RABL3: variants seen among roughly 807,000 people sequenced by gnomAD.
The protein encoded by RABL3 is RAB, member of RAS oncogene family like 3, also known as rab-like protein 3.
RABL3 carries 31 observed loss-of-function variants against 31.8 expected under a neutral mutation model. That is an observed-to-expected ratio of 0.97 (90% CI 0.73 to 1.31). The LOEUF (loss-of-function observed/expected upper bound fraction) is 1.31. Among genes scored for constraint, RABL3 ranks in the 40% most tolerant of loss-of-function variants. The probability of loss-of-function intolerance (pLI) is 0.00; values close to 1 mark genes in which losing one functional copy is unlikely to be tolerated. For synonymous variants in RABL3, 97 were observed against 99.9 expected (o/e 0.97, Z 0.18); for missense variants, 263 against 279.6 (o/e 0.94, Z 0.42).
intron 2 of RABL3, among the ~76,000 whole-genome samples, chr3:120,730,406 G>A (rs890028820): frequency 7.9e-5 from 12 of 152,194 alleles, no homozygotes; most frequent in Admixed American, 2.0e-4. Flanking sequence ...AGGATGCTAT[G>A]TGAACTCTAG....
intron 1 of RABL3, chr3:120,738,611 T>G (rs912252216): frequency 1.3e-5 from 2 of 152,396 alleles, no homozygotes; most frequent in African/African-American, 4.8e-5. Flanking sequence ...TTGGTCATCT[T>G]GGAACCACTC....
chr3:120,741,101 C>T (rs1172718014), intron 1 of RABL3, among the ~76,000 whole-genome samples: 1 of 152,194 alleles, frequency 6.6e-6, no homozygotes, highest in Non-Finnish European at 1.5e-5. Context: ...ACCCACTTAA[C>T]GTATCATGAA....
At position 120,687,538 on chromosome 3, in the gene RABL3, T is replaced by C. The variant is rs750290638; in HGVS notation, c.*2285A>G. On this transcript the variant is annotated 3_prime_UTR_variant, in exon 8 of 8. Coordinates refer to ENST00000273375, the MANE Select transcript of RABL3 (RefSeq NM_173825.5). ...AGTTCTCAAGAAGTCCTAGCAAAAA[T>C]TGTGCTTCATTCTTTTTTGAATAAC... The C allele has an allele frequency of 2.6e-5, 4 of 152,226 alleles. No homozygotes were observed. The highest frequency in any genetic ancestry group is 5.9e-5 in the Non-Finnish European group (4 of 68,032). The allele number at this position is 152,226 out of a possible 1,614,324, so 9.4% of individuals were successfully genotyped here.
chr3:120,731,105 G>T (rs541927209), intron 1 of RABL3, among the ~76,000 whole-genome samples: 1 of 144,360 alleles, frequency 6.9e-6, no homozygotes, highest in East Asian at 2.3e-4. Context: ...ACTGGTCCAG[G>T]GGTCTCACTT....
chr3:120,725,183 G>A (rs1175255476), intron 2 of RABL3, among the ~76,000 whole-genome samples: 2 of 152,196 alleles, frequency 1.3e-5, no homozygotes, highest in East Asian at 1.9e-4. Flanking sequence ...GCAGCCAAAA[G>A]ACACATGAAA....
At chr3:120,736,834 T>C (rs918815877) in intron 1 of RABL3, among the ~76,000 whole-genome samples, 7 of 152,184 alleles carry the variant, frequency 4.6e-5, no homozygotes, top group Non-Finnish European at 1.0e-4. Context: ...TGAAAATTCT[T>C]TTCTTTAAGA....
chr3:120,742,061 G>T (rs893049425), intron 1 of RABL3, among the ~76,000 whole-genome samples: 1 of 151,554 alleles, frequency 6.6e-6, no homozygotes, highest in East Asian at 1.9e-4. Flanking sequence ...CTCAGTGCAC[G>T]TTTGACTTCC....
chr3:120,729,632 A>G (rs1031166195), intron 2 of RABL3, among the ~76,000 whole-genome samples: 1 of 152,208 alleles, frequency 6.6e-6, no homozygotes, highest in African/African-American at 2.4e-5. Flanking sequence ...TAAAAGGAAC[A>G]TCTAGAAATT....
chr3:120,719,131 T>C (rs1255133432), intron 2 of RABL3, among the ~76,000 whole-genome samples: 1 of 152,218 alleles, frequency 6.6e-6, no homozygotes, highest in African/African-American at 2.4e-5. Flanking sequence ...TTTAGAACAC[T>C]GCACCCAACA....
At chr3:120,729,901 T>C (rs1377192995) in intron 2 of RABL3, among the ~76,000 whole-genome samples, 1 of 149,828 alleles carries the variant, frequency 6.7e-6, no homozygotes, top group East Asian at 2.0e-4. Flanking sequence ...TACTTCTGAA[T>C]AGGATGAATA....
At chr3:120,718,724 C>T (rs1708699179) in intron 2 of RABL3, among the ~76,000 whole-genome samples, 1 of 152,154 alleles carries the variant, frequency 6.6e-6, no homozygotes, top group Non-Finnish European at 1.5e-5. Flanking sequence ...TAAGAGACAT[C>T]CCATAGATAT....
chr3:120,730,806 C>T lies in RABL3; in HGVS notation c.47-19G>A, dbSNP rs760171564. ...CCAACACCTGTAAGAGATACAAGAACTCTAGTCACATAAGAGACAAGGCTG... is the reference window on the plus strand; with the variant it reads ...CCAACACCTGTAAGAGATACAAGAATTCTAGTCACATAAGAGACAAGGCTG... On this transcript the variant is annotated intron_variant, in intron 1 of 7. Coordinates refer to ENST00000273375, the MANE Select transcript of RABL3 (RefSeq NM_173825.5). 1 of 1,526,122 alleles carries T rather than the reference C, an allele frequency of 6.6e-7. No homozygotes were observed. Among genetic ancestry groups the T allele is most frequent in the Non-Finnish European group, 9.1e-7 (1 of 1,100,148 alleles). The allele number at this position is 1,526,122 out of a possible 1,614,324, so 94.5% of individuals were successfully genotyped here. A position where few individuals can be genotyped will look rare whatever the true frequency, so the allele number is the denominator to read the frequency against.
intron 1 of RABL3, among the ~76,000 whole-genome samples, chr3:120,736,823 T>C (rs182471935): frequency 7.5e-4 from 114 of 152,348 alleles, no homozygotes; most frequent in Non-Finnish European, 1.5e-3. Context: ...AAATTCTGGG[T>C]TGAAAATTCT....
At position 120,734,761 on chromosome 3, in the gene RABL3, A is replaced by G. The variant is rs1417522657; in HGVS notation, c.47-3974T>C. On this transcript the variant is annotated intron_variant, in intron 1 of 7. Transcript: ENST00000273375. Reference sequence around the variant, plus strand: ...GAGAGTTTTTAGCACAAAGGGCTGTAGAATTTTGTCAAAGACCTTTTCTGC... The same window carrying G: ...GAGAGTTTTTAGCACAAAGGGCTGTGGAATTTTGTCAAAGACCTTTTCTGC... 2.6e-5 allele frequency among the ~76,000 whole-genome samples: 4 copies of G among 152,122 alleles called. No individual in the cohort carries two copies. The East Asian group carries it at 7.7e-4, about 29-fold the overall frequency.
chr3:120,720,416 C>T (rs569507766), intron 2 of RABL3, among the ~76,000 whole-genome samples: 1 of 152,058 alleles, frequency 6.6e-6, no homozygotes, highest in Admixed American at 6.5e-5. Flanking sequence ...GAACCCAAGG[C>T]AAAGAAGTTA....
chr3:120,723,335 C>T (rs140490947), intron 2 of RABL3, among the ~76,000 whole-genome samples: 346 of 152,274 alleles, frequency 2.3e-3, no homozygotes, highest in African/African-American at 7.9e-3. Flanking sequence ...AAGTCCAGGA[C>T]CAGATGGATT....
chr3:120,693,707 G>C (rs1254291505), intron 6 of RABL3, among the ~76,000 whole-genome samples: 2 of 152,142 alleles, frequency 1.3e-5, no homozygotes, highest in Non-Finnish European at 2.9e-5. Flanking sequence ...GAAACACTAG[G>C]AAATCAAGAA....
In RABL3 at chr3:120,686,643, C is replaced by G. The variant is rs1387267549; in HGVS notation, c.*3180G>C. On this transcript the variant is annotated 3_prime_UTR_variant, in exon 8 of 8. Coordinates refer to ENST00000273375, the MANE Select transcript of RABL3 (RefSeq NM_173825.5). Reference sequence around the variant, plus strand: ...AAGAGCTTTCTTTCTTCACCCATCACTAGGTTCACAAATGAGGCACCTATA... The same window carrying G: ...AAGAGCTTTCTTTCTTCACCCATCAGTAGGTTCACAAATGAGGCACCTATA... The G allele has an allele frequency of 6.6e-6, 1 of 152,182 alleles. No individual in the cohort carries two copies. The highest frequency in any genetic ancestry group is 1.9e-4 in the East Asian group (1 of 5,194). 9.4% of individuals were successfully genotyped at this position (152,182 alleles called of 1,614,324 possible).
chr3:120,730,794 GA>G lies in RABL3; in HGVS notation c.47-8del, dbSNP rs1426467880. The G allele has an allele frequency of 6.3e-7, 1 of 1,589,430 alleles. No homozygotes were observed. Among genetic ancestry groups the G allele is most frequent in the Admixed American group, 1.7e-5 (1 of 59,852 alleles). On this transcript the variant is annotated splice_region_variant and splice_polypyrimidine_tract_variant and intron_variant, in intron 1 of 7. Coordinates refer to ENST00000273375, the MANE Select transcript of RABL3 (RefSeq NM_173825.5). ...AACGAAGATTTCCCAACACCTGTAA[GA>G]GATACAAGAACTCTAGTCACATAAG...
Sources: allele counts gnomAD v4.1 joint callset (sites outside exome capture counted in the v4.1 genomes callset), GRCh38; gene constraint gnomAD v4.1.1; transcripts MANE v1.5; gene names NCBI Gene and HGNC (gene_info 2026-07-23, HGNC 2026-07-21).